Variants in GBE1 observed in about 807,000 individuals in gnomAD.
GBE1 encodes the protein 1,4-alpha-glucan-branching enzyme.
In GBE1, 70 loss-of-function variants were observed where a neutral mutation model predicts 88.8. That is an observed-to-expected ratio of 0.79 (90% CI 0.65 to 0.96). GBE1 has a LOEUF of 0.96. GBE1 is among the 40% of genes least tolerant of loss of function. The pLI is 0.00. For synonymous variants in GBE1, 284 were observed against 300.1 expected (o/e 0.95, Z 0.56); for missense variants, 872 against 871.0 (o/e 1.00, Z -0.01).
chr3:81,753,647 T>C (rs1228893661), intron 1 of GBE1, among the ~76,000 whole-genome samples: 1 of 152,102 alleles, frequency 6.6e-6, no homozygotes, highest in Non-Finnish European at 1.5e-5. Context: ...ACCAAGATGC[T>C]CCACGAAGTC....
intron 12 of GBE1, among the ~76,000 whole-genome samples, chr3:81,550,723 G>A (rs1055641549): frequency 1.3e-5 from 2 of 152,068 alleles, no homozygotes; most frequent in Non-Finnish European, 2.9e-5. Context: ...ATTGCTATAC[G>A]CCCACCATCA....
At position 81,761,239 on chromosome 3, in the gene GBE1, G is replaced by A. The variant is rs569287806; in HGVS notation, c.143+136C>T. The A allele has an allele frequency of 2.9e-3, 3,434 of 1,164,716 alleles. 6 individuals are homozygous for A. Among genetic ancestry groups the A allele is most frequent in the Non-Finnish European group, 3.7e-3 (3,128 of 834,826 alleles). The allele number at this position is 1,164,716 out of a possible 1,614,324, so 72.1% of individuals were successfully genotyped here. A position where few individuals can be genotyped will look rare whatever the true frequency, so the allele number is the denominator to read the frequency against. ...AGAACCCGGTTACCCGAGTCACCCCGAGCCCCGCCCACTCAGGTTCCTCCC... is the reference window on the plus strand; with the variant it reads ...AGAACCCGGTTACCCGAGTCACCCCAAGCCCCGCCCACTCAGGTTCCTCCC... On this transcript the variant is annotated intron_variant, in intron 1 of 15. Transcript: ENST00000429644.
intron 7 of GBE1, among the ~76,000 whole-genome samples, chr3:81,632,295 A>T (rs1268373020): frequency 6.6e-6 from 1 of 152,136 alleles, no homozygotes; most frequent in African/African-American, 2.4e-5. Flanking sequence ...TTTATAGTAG[A>T]ATGATCTATC....
chr3:81,543,895 G>C (rs548361868), intron 12 of GBE1, among the ~76,000 whole-genome samples: 5 of 152,260 alleles, frequency 3.3e-5, no homozygotes, highest in African/African-American at 9.6e-5. Flanking sequence ...ATATGAATAT[G>C]ATAGGTACAC....
At chr3:81,642,371 C>G (rs895822683) in intron 7 of GBE1, among the ~76,000 whole-genome samples, 1 of 151,876 alleles carries the variant, frequency 6.6e-6, no homozygotes, top group Admixed American at 6.6e-5. Context: ...TAGCTGTAAT[C>G]AAAACCATGT....
rs756512672 is a variant in GBE1 at position 81,586,081 on chromosome 3, T to C, written c.1335+11A>G. The C allele has an allele frequency of 1.2e-5, 19 of 1,535,112 alleles. No individual in the cohort carries two copies. Among genetic ancestry groups the C allele is most frequent in the Admixed American group, 1.8e-5 (1 of 56,612 alleles). ...TTCACAGAAACAAAAAATATTTACA[T>C]GGACTCTTACCTGAATCCACTTATC... On this transcript the variant is annotated intron_variant, in intron 10 of 15. Coordinates refer to ENST00000429644, the MANE Select transcript of GBE1 (RefSeq NM_000158.4).
intron 7 of GBE1, among the ~76,000 whole-genome samples, chr3:81,629,029 T>TTTTG (rs1279646754): frequency 2.1e-5 from 3 of 144,378 alleles, no homozygotes; most frequent in African/African-American, 7.7e-5. Context: ...TTTTTTTTTT[T>TTTTG]TTTTTTTTTT....
At chr3:81,645,066 G>C (rs1704745371) in intron 6 of GBE1, among the ~76,000 whole-genome samples, 1 of 152,102 alleles carries the variant, frequency 6.6e-6, no homozygotes, top group Non-Finnish European at 1.5e-5. Flanking sequence ...ATATGTATTA[G>C]ATACTCCAAC....
chr3:81,700,549 C>G (rs1048104288), intron 2 of GBE1, among the ~76,000 whole-genome samples: 4 of 152,098 alleles, frequency 2.6e-5, no homozygotes, highest in African/African-American at 9.7e-5. Context: ...TGCTTATTCC[C>G]AATTTCTGAC....
chr3:81,529,092 C>T (rs1702983531), intron 14 of GBE1, among the ~76,000 whole-genome samples: 1 of 151,798 alleles, frequency 6.6e-6, no homozygotes, highest in African/African-American at 2.4e-5. Flanking sequence ...TAATTTCTTG[C>T]TTTTTATTTT....
intron 7 of GBE1, among the ~76,000 whole-genome samples, chr3:81,624,812 G>T (rs1335831501): frequency 2.6e-5 from 4 of 152,122 alleles, no homozygotes; most frequent in African/African-American, 7.2e-5. Context: ...CCTGCAGAAA[G>T]AATGGAAAAG....
chr3:81,624,835 T>C (rs1704389148), intron 7 of GBE1, among the ~76,000 whole-genome samples: 1 of 152,186 alleles, frequency 6.6e-6, no homozygotes, highest in Non-Finnish European at 1.5e-5. Flanking sequence ...CCAAGTCTCC[T>C]TCTGGTTTGT....
chr3:81,756,962 C>T (rs1706612035), intron 1 of GBE1, among the ~76,000 whole-genome samples: 1 of 152,048 alleles, frequency 6.6e-6, no homozygotes, highest in Non-Finnish European at 1.5e-5. Context: ...TTATTTAACC[C>T]ACTCCTACTA....
intron 7 of GBE1, among the ~76,000 whole-genome samples, chr3:81,608,593 A>G (rs527434358): frequency 1.3e-5 from 2 of 152,296 alleles, no homozygotes; most frequent in East Asian, 3.9e-4. Flanking sequence ...ACATTATTCA[A>G]TGACCCCCAA....
chr3:81,642,600 A>G (rs1704699968), intron 7 of GBE1, 181 bp downstream of exon 7: 1 of 520,382 alleles, frequency 1.9e-6, no homozygotes, highest in Non-Finnish European at 3.3e-6. Flanking sequence ...ATTTAATGAA[A>G]TATACCACAA....
chr3:81,627,639 G>C lies in GBE1; in HGVS notation c.992+15142C>G, dbSNP rs191246197. Among the ~76,000 whole-genome samples the C allele has an allele frequency of 5.3e-3, 805 of 151,836 alleles. 17 individuals carry two copies. The highest frequency in any genetic ancestry group is 0.018 in the African/African-American group (766 of 41,424). On this transcript the variant is annotated intron_variant, in intron 7 of 15. Coordinates refer to ENST00000429644, the MANE Select transcript of GBE1 (RefSeq NM_000158.4). ...TGTTGTTTATGTGATACATCAATTC[G>C]AGCTCAACTGAGAAGTCTAATTTTA...
chr3:81,733,955 T>C lies in GBE1; in HGVS notation c.143+27420A>G, dbSNP rs1276106676. ...GGTGAGAGTTGTACAAATTTGCCTT[T>C]CCTATCTATATAAGTACTTATTTTC... is the stretch of plus-strand genomic sequence containing the variant. On this transcript the variant is annotated intron_variant, in intron 1 of 15. Transcript: ENST00000429644. The surrounding 1 kb of genome is among the most constrained non-coding windows in gnomAD (Gnocchi z 4.0). Among the ~76,000 whole-genome samples the C allele has an allele frequency of 6.6e-6, 1 of 152,212 alleles. No individual in the cohort carries two copies. Among genetic ancestry groups the C allele is most frequent in the Admixed American group, 6.5e-5 (1 of 15,270 alleles).
rs554063002 is a variant in GBE1, at chr3:81,588,247, AAAG to A, written c.1237-2060_1237-2058del. 2.7e-3 allele frequency among the ~76,000 whole-genome samples: 410 copies of A among 152,274 alleles called. 1 individual carries two copies. The highest frequency in any genetic ancestry group is 5.6e-3 in the South Asian group (27 of 4,826). On this transcript the variant is annotated intron_variant, in intron 9 of 15. Coordinates refer to ENST00000429644, the MANE Select transcript of GBE1 (RefSeq NM_000158.4). ...ATAAAGTAGAAAAAAGATCAGTAGA[AAAG>A]AAGCCATTTCAATCATTCTATTTAT...
intron 3 of GBE1, chr3:81,654,508 T>C (rs1169737510): frequency 6.6e-6 from 1 of 152,164 alleles, no homozygotes; most frequent in African/African-American, 2.4e-5. Flanking sequence ...TTTTGAAAGA[T>C]GGTAATGAAT....
Sources: allele counts gnomAD v4.1 joint callset (sites outside exome capture counted in the v4.1 genomes callset), GRCh38; gene constraint gnomAD v4.1.1; non-coding constraint Gnocchi (gnomAD v3.1); transcripts MANE v1.5; gene names NCBI Gene and HGNC (gene_info 2026-07-23, HGNC 2026-07-21).